COL6A2: variants seen among roughly 807,000 people sequenced by gnomAD.
The protein encoded by COL6A2 is collagen type VI alpha 2 chain, also known as collagen alpha-2(VI) chain.
COL6A2 carries 90 observed loss-of-function variants against 124.9 expected under a neutral mutation model. The ratio of observed to expected loss-of-function variants is 0.72; its 90% CI spans 0.61 to 0.86. The LOEUF is 0.86. COL6A2 is among the 40% of genes least tolerant of loss of function. The probability of loss-of-function intolerance (pLI) is 0.00; values close to 1 mark genes in which losing one functional copy is unlikely to be tolerated. For synonymous variants in COL6A2, 793 were observed against 618.2 expected, an observed-to-expected ratio of 1.28 and a Z score of -4.19; for missense variants, 1,607 against 1,502.5, an observed-to-expected ratio of 1.07 and a Z score of -1.15.
Position 46,112,565 on chromosome 21 carries a change from C to T in COL6A2, c.702C>T (p.Ile234=), listed in dbSNP as rs1369161493. Residue 234 remains isoleucine (I), a synonymous_variant, in exon 3 of 28, where the codon ATC becomes ATT. Transcript: ENST00000300527. ...TCGACCAGGACACCATCAACCGCAT[C>T]ATCAAGGTCATGGTGAGCCGCGGGC... is the stretch of plus-strand genomic sequence containing the variant. ...TEIDQDTINR[I]IKVMKHEAYG... is the part of the protein sequence containing the mutation. The T allele has an allele frequency of 6.2e-7, 1 of 1,612,206 alleles. No individual in the cohort carries two copies. The highest frequency in any genetic ancestry group is 1.3e-5 in the African/African-American group (1 of 75,026).
intron 14 of COL6A2, 39 bp downstream of exon 14, chr21:46,119,158 G>GGCAT: frequency 1.3e-6 from 2 of 1,496,938 alleles, no homozygotes; most frequent in Non-Finnish European, 1.8e-6. Flanking sequence ...CCCCGCTCTG[G>GGCAT]GCATCCTCCT....
chr21:46,126,475 C>T, intron 26 of COL6A2, 28 bp from the exon 27 acceptor site: 1 of 1,612,402 alleles, frequency 6.2e-7, no homozygotes, highest in Middle Eastern at 1.7e-4. Context: ...TGACCCTGGC[C>T]TGGCCCGGCC....
At chr21:46,129,307 C>T (rs745793592) in intron 27 of COL6A2, 12 of 1,612,842 alleles carry the variant, frequency 7.4e-6, no homozygotes, top group Middle Eastern at 1.6e-4. Flanking sequence ...CTAAACGCCA[C>T]GGAGCTCACG....
In COL6A2 at chr21:46,116,094, C is replaced by T; in HGVS notation, c.900+41C>T. The T allele has an allele frequency of 6.5e-7, 1 of 1,547,468 alleles. No homozygotes were observed. The highest frequency in any genetic ancestry group is 8.7e-7 in the Non-Finnish European group (1 of 1,143,554). ...CAGGGGCTTGGCTCCACCCTGAGGC[C>T]CCAGCACTGCCAGGCAGGCTCCCCC... is the stretch of plus-strand genomic sequence containing the variant. On this transcript the variant is annotated intron_variant, in intron 7 of 27. Transcript: ENST00000300527. The surrounding 1 kb of genome is among the most constrained non-coding windows in gnomAD (Gnocchi z 4.6).
chr21:46,120,115 AC>A lies in COL6A2; in HGVS notation c.1332+271del, dbSNP rs3831407. Reference sequence around the variant, plus strand: ...CCCGGCCCACTGAGGCACCACTCACACCCCCCGGCCCCCACTGAGGCACCTC... The same window carrying A: ...CCCGGCCCACTGAGGCACCACTCACACCCCCGGCCCCCACTGAGGCACCTC... On this transcript the variant is annotated intron_variant, in intron 15 of 27. Transcript: ENST00000300527. 0.42 allele frequency among the ~76,000 whole-genome samples: 54,722 copies of A among 129,034 alleles called. 11,050 individuals carry two copies. The highest frequency in any genetic ancestry group is 0.52 in the African/African-American group (19,764 of 37,676). The allele number at this position is 129,034 out of a possible 152,430, so 84.7% of individuals were successfully genotyped here.
At chr21:46,123,852 T>TGA (rs1555875019) in intron 21 of COL6A2, among the ~76,000 whole-genome samples, 2 of 95,988 alleles carry the variant, frequency 2.1e-5, no homozygotes, top group Non-Finnish European at 4.6e-5. Context: ...GATGGATGAA[T>TGA]GAGTTAGTGG....
chr21:46,126,281 C>T, intron 26 of COL6A2, 44 bp downstream of exon 26: 2 of 1,587,854 alleles, frequency 1.3e-6, no homozygotes, highest in Non-Finnish European at 1.7e-6. Flanking sequence ...AGCAGCAGGC[C>T]CCAGCCGCTG....
chr21:46,128,853 G>T (rs752751469), intron 27 of COL6A2: 4 of 1,510,472 alleles, frequency 2.6e-6, no homozygotes, highest in Non-Finnish European at 3.7e-6. Context: ...CCTGGCGACG[G>T]GCCTGCGGCA....
At chr21:46,127,572 G>A (rs1055932461) in intron 27 of COL6A2, among the ~76,000 whole-genome samples, 1 of 152,152 alleles carries the variant, frequency 6.6e-6, no homozygotes, top group East Asian at 1.9e-4. Flanking sequence ...CCTCCCCCAG[G>A]GTCCACATCA....
chr21:46,102,688 T>A (rs1360280655), intron 1 of COL6A2, among the ~76,000 whole-genome samples: 1 of 147,356 alleles, frequency 6.8e-6, no homozygotes, highest in Non-Finnish European at 1.5e-5. Context: ...ATTCTGTTAA[T>A]GTGTATTACA....
At chr21:46,125,684 G>C in intron 25 of COL6A2, 67 bp downstream of exon 25, 2 of 1,591,922 alleles carry the variant, frequency 1.3e-6, no homozygotes. Flanking sequence ...CGATGAGATG[G>C]GAGAAGTCCA....
At position 46,126,090 on chromosome 21, in the gene COL6A2, A is replaced by C. The variant is rs1413896914; in HGVS notation, c.2275A>C (p.Ile759Leu). The change falls in exon 26 of 28, where the codon ATC becomes CTC. Residue 759 changes from isoleucine to leucine, a missense_variant. Around this residue, in one of 3 missense-constraint regions of COL6A2, gnomAD observed 1,223 missense variants for 1,052.2 expected, o/e 1.16. Coordinates refer to ENST00000300527, the MANE Select transcript of COL6A2 (RefSeq NM_001849.4). Reference protein sequence around the residue: ...DRDVTVTAIGIGDMFHEKHES... With the variant: ...DRDVTVTAIGLGDMFHEKHES... Reference sequence around the variant, plus strand: ...CGACGTCACAGTGACGGCCATCGGCATCGGGGACATGTTCCACGAGAAGCA... The same window carrying C: ...CGACGTCACAGTGACGGCCATCGGCCTCGGGGACATGTTCCACGAGAAGCA... 2 of 1,612,950 alleles carry C rather than the reference A, an allele frequency of 1.2e-6. No individual in the cohort carries two copies. Among genetic ancestry groups the C allele is most frequent in the Non-Finnish European group, 1.7e-6 (2 of 1,180,018 alleles).
chr21:46,128,980 T>A, intron 27 of COL6A2: 1 of 1,608,328 alleles, frequency 6.2e-7, no homozygotes, highest in South Asian at 1.1e-5. Context: ...CGTGCGGGTC[T>A]CCTAGCTCCC....
intron 25 of COL6A2, 44 bp downstream of exon 25, chr21:46,125,661 G>A (rs113836939): frequency 1.9e-5 from 30 of 1,595,390 alleles, no homozygotes; most frequent in African/African-American, 4.0e-5. Flanking sequence ...GGGGCCGGGC[G>A]GGGCGTGGGA....
Sources: gnomAD v4.1 joint callset for allele counts (sites outside exome capture counted in the v4.1 genomes callset) on GRCh38, gnomAD v4.1.1 for gene constraint, gnomAD v4.1.1 regional missense constraint, Gnocchi (gnomAD v3.1) non-coding constraint, MANE v1.5 for transcripts, NCBI Gene and HGNC (gene_info 2026-07-23, HGNC 2026-07-21) for gene names.